ZNF804B: variants seen among roughly 807,000 people sequenced by gnomAD.
ZNF804B encodes zinc finger 804B.
A neutral mutation model predicts 101.4 loss-of-function variants in ZNF804B; 80 were observed. That is an observed-to-expected ratio of 0.79 (90% confidence interval 0.66 to 0.95). ZNF804B has a LOEUF of 0.95. Ranked by LOEUF, ZNF804B falls within the 40% of genes least tolerant of loss-of-function variation. The pLI is 0.00. For synonymous variants in ZNF804B, 622 were observed against 558.8 expected (o/e 1.11, Z -1.59); for missense variants, 1,673 against 1,561.9 (o/e 1.07, Z -1.20).
intron 1 of ZNF804B, among the ~76,000 whole-genome samples, chr7:89,132,960 A>G (rs940807771): frequency 3.3e-5 from 5 of 152,066 alleles, no homozygotes; most frequent in African/African-American, 1.2e-4. Flanking sequence ...CTGCTGGTAA[A>G]ATACAGCCAA....
chr7:88,770,703 C>T (rs1214801234), intron 1 of ZNF804B, among the ~76,000 whole-genome samples: 1 of 152,124 alleles, frequency 6.6e-6, no homozygotes, highest in Non-Finnish European at 1.5e-5. Context: ...GCGCAAATGT[C>T]CCTTCCTCCT....
chr7:88,998,584 G>A (rs769704254), intron 1 of ZNF804B, among the ~76,000 whole-genome samples: 4 of 151,904 alleles, frequency 2.6e-5, no homozygotes, highest in East Asian at 1.9e-4. Flanking sequence ...CCTGAGACCC[G>A]CCACAGTCTA....
chr7:88,858,138 A>G (rs957790205), intron 1 of ZNF804B, among the ~76,000 whole-genome samples: 19 of 152,014 alleles, frequency 1.2e-4, no homozygotes, highest in Non-Finnish European at 2.8e-4. Context: ...TTCTTTACCT[A>G]TAATTATCTA....
intron 1 of ZNF804B, among the ~76,000 whole-genome samples, chr7:89,207,418 A>C (rs1366230522): frequency 1.3e-5 from 2 of 152,128 alleles, no homozygotes; most frequent in Non-Finnish European, 2.9e-5. Context: ...AAACCATCAG[A>C]TCTCATGAGA....
At chr7:88,813,166 G>A (rs375519923) in intron 1 of ZNF804B, among the ~76,000 whole-genome samples, 129 of 151,844 alleles carry the variant, frequency 8.5e-4, no homozygotes, top group African/African-American at 3.0e-3. Flanking sequence ...ATTCTCTCAC[G>A]CCTATAATAC....
intron 1 of ZNF804B, among the ~76,000 whole-genome samples, chr7:89,123,481 A>T (rs1330295965): frequency 1.3e-5 from 2 of 152,152 alleles, no homozygotes; most frequent in Non-Finnish European, 1.5e-5. Flanking sequence ...CATTTAATGT[A>T]AGAAGTATAA....
intron 1 of ZNF804B, among the ~76,000 whole-genome samples, chr7:89,059,891 C>G (rs1041685512): frequency 2.9e-5 from 1 of 34,250 alleles, no homozygotes; most frequent in Non-Finnish European, 5.3e-5. Context: ...TTGGAGAGCA[C>G]CATCTAATTG....
chr7:89,154,531 A>G (rs1236751217), intron 1 of ZNF804B, among the ~76,000 whole-genome samples: 1 of 152,162 alleles, frequency 6.6e-6, no homozygotes, highest in Admixed American at 6.5e-5. Flanking sequence ...ATTCAGCCAT[A>G]AAAAACAATG....
chr7:88,823,045 C>CA (rs1176130545), intron 1 of ZNF804B, among the ~76,000 whole-genome samples: 2 of 151,666 alleles, frequency 1.3e-5, no homozygotes, highest in Admixed American at 6.6e-5. Flanking sequence ...CCCATCTCTA[C>CA]AAAAAAATAC....
At chr7:88,851,418 C>T (rs1476627749) in intron 1 of ZNF804B, among the ~76,000 whole-genome samples, 1 of 152,052 alleles carries the variant, frequency 6.6e-6, no homozygotes, top group East Asian at 1.9e-4. Context: ...GGAACAAAGA[C>T]ACCACTGACA....
chr7:88,782,165 AAG>A (rs1291451254), intron 1 of ZNF804B, among the ~76,000 whole-genome samples: 1 of 148,650 alleles, frequency 6.7e-6, no homozygotes, highest in Non-Finnish European at 1.5e-5. Context: ...AGGAGAGAAA[AAG>A]AGATTGGGTT....
chr7:89,295,353 C>G (rs536709263), intron 2 of ZNF804B, among the ~76,000 whole-genome samples: 1 of 152,148 alleles, frequency 6.6e-6, no homozygotes, highest in Non-Finnish European at 1.5e-5. Context: ...AGTGACTCAC[C>G]TTTCAGATTG....
intron 1 of ZNF804B, among the ~76,000 whole-genome samples, chr7:88,910,198 A>G (rs572324473): frequency 1.3e-5 from 2 of 151,986 alleles, no homozygotes; most frequent in South Asian, 4.1e-4. Flanking sequence ...TTTATCTCTC[A>G]CCATTGGGAA....
chr7:88,801,493 C>T (rs1482882202), intron 1 of ZNF804B, among the ~76,000 whole-genome samples: 2 of 152,006 alleles, frequency 1.3e-5, no homozygotes, highest in Non-Finnish European at 2.9e-5. Context: ...CACCCAGAGC[C>T]CTTTTAAGAA....
rs527343890 is a variant in ZNF804B at position 88,881,204 on chromosome 7, A to G, written c.108+121120A>G. ...AATGAATGGATTGCATTTAGAAAGA[A>G]TATTTATAAAGCTAATTTTCATACA... On this transcript the variant is annotated intron_variant, in intron 1 of 3. Transcript: ENST00000333190. Among the ~76,000 whole-genome samples, 10 of 152,258 alleles carry G rather than the reference A, an allele frequency of 6.6e-5. No homozygotes were observed. The South Asian group carries it at 2.1e-3, about 32-fold the overall frequency.
At chr7:88,980,691 C>T (rs1258842142) in intron 1 of ZNF804B, among the ~76,000 whole-genome samples, 1 of 151,990 alleles carries the variant, frequency 6.6e-6, no homozygotes, top group African/African-American at 2.4e-5. Context: ...ATGCTGAACT[C>T]CATGAAGCTG....
At chr7:89,304,016 G>T (rs1372218243) in intron 2 of ZNF804B, among the ~76,000 whole-genome samples, 1 of 151,820 alleles carries the variant, frequency 6.6e-6, no homozygotes, top group Non-Finnish European at 1.5e-5. Context: ...GTTTATTCCG[G>T]ACTATAGGAC....
At chr7:89,174,923 C>A (rs372110645) in intron 1 of ZNF804B, among the ~76,000 whole-genome samples, 8 of 151,964 alleles carry the variant, frequency 5.3e-5, no homozygotes, top group African/African-American at 1.9e-4. Flanking sequence ...AGATATTTTG[C>A]CAATTTTTAA....
intron 1 of ZNF804B, among the ~76,000 whole-genome samples, chr7:89,023,806 C>G (rs1584079778): frequency 6.6e-6 from 1 of 152,170 alleles, no homozygotes; most frequent in African/African-American, 2.4e-5. Context: ...TCCTGTCAGA[C>G]CTGAGCTCAT....
Sources: allele counts gnomAD v4.1 joint callset (sites outside exome capture counted in the v4.1 genomes callset), GRCh38; gene constraint gnomAD v4.1.1; transcripts MANE v1.5; gene names NCBI Gene and HGNC (gene_info 2026-07-23, HGNC 2026-07-21).